The following SAMD12 variants were observed in gnomAD, a reference collection of about 807,000 sequenced individuals.
The protein encoded by SAMD12 is sterile alpha motif domain-containing protein 12.
Under a neutral mutation model 15.0 loss-of-function variants are expected in SAMD12, and 9 were observed. The ratio of observed to expected loss-of-function variants is 0.60; its 90% CI spans 0.36 to 1.05. The LOEUF is 1.05. Among genes scored for constraint, SAMD12 ranks in the 50% least tolerant of loss-of-function variants. The pLI, the probability that SAMD12 is intolerant of heterozygous loss-of-function variation, is 0.01. For synonymous variants in SAMD12, 86 were observed against 90.1 expected, an observed-to-expected ratio of 0.96 and a Z score of 0.25; for missense variants, 230 against 234.2, an observed-to-expected ratio of 0.98 and a Z score of 0.12.
At chr8:118,523,997 T>C (rs372223722) in intron 2 of SAMD12, among the ~76,000 whole-genome samples, 5 of 152,144 alleles carry the variant, frequency 3.3e-5, no homozygotes, top group East Asian at 1.9e-4. Context: ...TTCTCCCTCT[T>C]GATGAGATCA....
chr8:118,501,742 C>A (rs536503232), intron 2 of SAMD12, among the ~76,000 whole-genome samples: 1 of 152,148 alleles, frequency 6.6e-6, no homozygotes, highest in South Asian at 2.1e-4. Context: ...CTGGGCCGGG[C>A]GCGGTGGCTC....
chr8:118,381,091 A>G (rs558428990), intron 3 of SAMD12, among the ~76,000 whole-genome samples: 2 of 152,330 alleles, frequency 1.3e-5, no homozygotes, highest in Admixed American at 1.3e-4. Flanking sequence ...TCCACCCACA[A>G]AAAGGCCACC....
At chr8:118,425,537 T>C (rs1822206509) in intron 3 of SAMD12, among the ~76,000 whole-genome samples, 1 of 151,984 alleles carries the variant, frequency 6.6e-6, no homozygotes, top group African/African-American at 2.4e-5. Flanking sequence ...AAGAAAGAAA[T>C]CAAATGGAAA....
intron 4 of SAMD12, among the ~76,000 whole-genome samples, chr8:118,258,377 C>T (rs972748981): frequency 3.3e-5 from 5 of 152,152 alleles, no homozygotes; most frequent in Non-Finnish European, 5.9e-5. Context: ...CCACACCTTA[C>T]ATGAGTTTAT....
At chr8:118,429,151 T>C (rs1209354614) in intron 3 of SAMD12, among the ~76,000 whole-genome samples, 2 of 152,206 alleles carry the variant, frequency 1.3e-5, no homozygotes, top group East Asian at 3.8e-4. Context: ...TTAGATATAT[T>C]TTGTTTAGCT....
chr8:118,604,649 C>T (rs1054563449), intron 1 of SAMD12, among the ~76,000 whole-genome samples: 12 of 152,306 alleles, frequency 7.9e-5, no homozygotes, highest in South Asian at 2.1e-4. Context: ...CTGCCGGGCG[C>T]GGTGGCTCGC....
chr8:118,440,977 C>T (rs112114201), intron 2 of SAMD12, among the ~76,000 whole-genome samples: 329 of 152,172 alleles, frequency 2.2e-3, no homozygotes, highest in Non-Finnish European at 3.8e-3. Flanking sequence ...GGTACAAGGA[C>T]GTGGCCATTA....
chr8:118,486,583 C>A (rs1281076186), intron 2 of SAMD12, among the ~76,000 whole-genome samples: 1 of 152,084 alleles, frequency 6.6e-6, no homozygotes, highest in Non-Finnish European at 1.5e-5. Flanking sequence ...CCTTCCAGAG[C>A]CTCCAGAAAG....
chr8:118,163,604 G>A, the SAMD12 span, among the ~76,000 whole-genome samples: 6 of 149,406 alleles, frequency 4.0e-5, no homozygotes, highest in Non-Finnish European at 7.4e-5. Context: ...AGCCGGGTGC[G>A]GTGGCTCACG....
At chr8:118,190,525 G>T (rs1819337876) in exon 5 of SAMD12, 1 of 152,120 alleles carries the variant, frequency 6.6e-6, no homozygotes, top group African/African-American at 2.4e-5. Flanking sequence ...GTGTGTGTGT[G>T]TGTGTGCGTG....
chr8:118,180,939 T>C, the SAMD12 span, among the ~76,000 whole-genome samples: 1 of 152,198 alleles, frequency 6.6e-6, no homozygotes, highest in Non-Finnish European at 1.5e-5. Flanking sequence ...TCAGCCTGAG[T>C]ACTGTGGGGG....
At chr8:118,303,550 A>G (rs1041121781) in intron 4 of SAMD12, among the ~76,000 whole-genome samples, 3 of 152,226 alleles carry the variant, frequency 2.0e-5, no homozygotes, top group African/African-American at 7.2e-5. Flanking sequence ...AAAGAGAAAG[A>G]GGAAACAAAA....
exon 5 of SAMD12, chr8:118,190,676 G>A (rs545283349): frequency 1.3e-5 from 2 of 152,118 alleles, no homozygotes; most frequent in African/African-American, 2.4e-5. Context: ...AGCCCAGATC[G>A]GCACTCTAAT....
At chr8:118,300,745 A>C (rs545059496) in intron 4 of SAMD12, among the ~76,000 whole-genome samples, 1 of 152,342 alleles carries the variant, frequency 6.6e-6, no homozygotes, top group South Asian at 2.1e-4. Context: ...CTAAGTGATT[A>C]TCTAGCCAGT....
intron 2 of SAMD12, among the ~76,000 whole-genome samples, chr8:118,539,240 T>C (rs1467945972): frequency 4.6e-5 from 7 of 152,208 alleles, no homozygotes; most frequent in Non-Finnish European, 1.0e-4. Context: ...AGTCCAGGAA[T>C]AGAATTCCAT....
chr8:118,467,448 T>C (rs564591870), intron 2 of SAMD12, among the ~76,000 whole-genome samples: 1 of 152,338 alleles, frequency 6.6e-6, no homozygotes, highest in African/African-American at 2.4e-5. Flanking sequence ...GCTTTTGTTT[T>C]ATATTTCAAA....
intron 2 of SAMD12, among the ~76,000 whole-genome samples, chr8:118,483,807 T>C (rs1416636031): frequency 2.6e-5 from 4 of 152,186 alleles, no homozygotes; most frequent in Admixed American, 1.3e-4. Context: ...TAACACCATA[T>C]TGTCATTCTT....
chr8:118,361,958 A>G (rs1818520275), intron 4 of SAMD12, among the ~76,000 whole-genome samples: 1 of 152,216 alleles, frequency 6.6e-6, no homozygotes, highest in Non-Finnish European at 1.5e-5. Flanking sequence ...TGACATTTTC[A>G]TTTAATTAAG....
chr8:118,313,327 T>C (rs538815153), intron 4 of SAMD12, among the ~76,000 whole-genome samples: 10 of 152,308 alleles, frequency 6.6e-5, no homozygotes, highest in Middle Eastern at 3.4e-3. Context: ...AACTTGATAA[T>C]TTATACTTTG....
Sources: allele counts gnomAD v4.1 joint callset (sites outside exome capture counted in the v4.1 genomes callset), GRCh38; gene constraint gnomAD v4.1.1; transcripts MANE v1.5; gene names NCBI Gene and HGNC (gene_info 2026-07-23, HGNC 2026-07-21).